OXR1: variants seen among roughly 807,000 people sequenced by gnomAD.
The protein encoded by OXR1 is oxidation resistance protein 1.
OXR1 carries 41 observed loss-of-function variants against 104.6 expected under a neutral mutation model. The ratio of observed to expected loss-of-function variants is 0.39; its 90% CI spans 0.31 to 0.51. OXR1 has a LOEUF of 0.51. Ranked by LOEUF, OXR1 falls within the 20% of genes least tolerant of loss-of-function variation. The pLI is 0.77. For missense variants in OXR1, 955 were observed against 1,031.9 expected, an observed-to-expected ratio of 0.93 and a Z score of 1.02; for synonymous variants, 348 against 348.4, an observed-to-expected ratio of 1.00 and a Z score of 0.01.
chr8:106,475,202 GGCCAGAA>G (rs1586690143), intron 2 of OXR1, among the ~76,000 whole-genome samples: 4 of 151,836 alleles, frequency 2.6e-5, no homozygotes, highest in South Asian at 2.1e-4. Context: ...GCCTACTGCT[GGCCAGAA>G]GCCTTACTTA....
intron 1 of OXR1, among the ~76,000 whole-genome samples, chr8:106,311,324 T>A (rs533361026): frequency 1.3e-5 from 2 of 152,286 alleles, no homozygotes; most frequent in South Asian, 2.1e-4. Flanking sequence ...TTTGGTTTCT[T>A]TTGTCTCTGT....
At chr8:106,672,507 A>C (rs1827131564) in intron 3 of OXR1, among the ~76,000 whole-genome samples, 1 of 90,730 alleles carries the variant, frequency 1.1e-5, no homozygotes, top group Admixed American at 1.4e-4. Flanking sequence ...AAAGAGAGAG[A>C]AAGAAAGAAA....
At chr8:106,509,448 T>C (rs1812377773) in intron 2 of OXR1, among the ~76,000 whole-genome samples, 1 of 152,246 alleles carries the variant, frequency 6.6e-6, no homozygotes, top group Non-Finnish European at 1.5e-5. Context: ...AGAAAGATGA[T>C]ATGCAAAATT....
At chr8:106,326,937 T>C (rs1814495186) in intron 1 of OXR1, among the ~76,000 whole-genome samples, 1 of 152,244 alleles carries the variant, frequency 6.6e-6, no homozygotes, top group Non-Finnish European at 1.5e-5. Context: ...TAAAGGAAAT[T>C]ACTTTTATAA....
intron 3 of OXR1, among the ~76,000 whole-genome samples, chr8:106,648,186 A>G (rs2130989382): frequency 6.6e-6 from 1 of 152,350 alleles, no homozygotes; most frequent in African/African-American, 2.4e-5. Context: ...TGTCATCTTC[A>G]GTAAAAGATA....
At chr8:106,522,087 G>A (rs891709843) in intron 3 of OXR1, among the ~76,000 whole-genome samples, 2 of 152,108 alleles carry the variant, frequency 1.3e-5, no homozygotes, top group African/African-American at 4.8e-5. Context: ...AGGGCTTAAA[G>A]GATTTTCAAA....
chr8:106,433,126 G>T (rs7843251), intron 2 of OXR1, among the ~76,000 whole-genome samples: 17,945 of 152,186 alleles, frequency 0.12, 1,496 homozygotes, highest in East Asian at 0.42. Context: ...TTCCCCATTT[G>T]GGGATCAGAG....
intron 16 of OXR1, 63 bp from the exon 17 acceptor site, chr8:106,750,743 T>G: frequency 8.6e-7 from 1 of 1,164,410 alleles, no homozygotes; most frequent in Non-Finnish European, 1.2e-6. Flanking sequence ...ATTCAAAGTC[T>G]CATTTAAATT....
chr8:106,550,084 A>G (rs1815683476), intron 3 of OXR1, among the ~76,000 whole-genome samples: 1 of 152,190 alleles, frequency 6.6e-6, no homozygotes. Context: ...CATATGAGAA[A>G]AACGTGGCTT....
chr8:106,464,262 A>T (rs1360506420), intron 2 of OXR1, among the ~76,000 whole-genome samples: 1 of 151,926 alleles, frequency 6.6e-6, no homozygotes, highest in African/African-American at 2.4e-5. Flanking sequence ...ACTAATCCTC[A>T]AAACATCTTG....
At chr8:106,324,422 A>T (rs185425555) in intron 1 of OXR1, among the ~76,000 whole-genome samples, 1 of 150,276 alleles carries the variant, frequency 6.7e-6, no homozygotes, top group Admixed American at 6.6e-5. Context: ...TGGGTTTAAT[A>T]CATGGGTGAT....
intron 2 of OXR1, among the ~76,000 whole-genome samples, chr8:106,366,692 A>C (rs1317551819): frequency 6.6e-6 from 1 of 152,174 alleles, no homozygotes; most frequent in Admixed American, 6.5e-5. Flanking sequence ...AGTATTTCTC[A>C]GTGGTAAGTT....
intron 2 of OXR1, among the ~76,000 whole-genome samples, chr8:106,492,078 C>A (rs1811125003): frequency 6.6e-6 from 1 of 152,140 alleles, no homozygotes; most frequent in Non-Finnish European, 1.5e-5. Flanking sequence ...ATAATTAGGT[C>A]CAGACAACTG....
rs1414009553 is a variant in OXR1, at chr8:106,597,826, T to C, written c.220+78687T>C. On this transcript the variant is annotated intron_variant, in intron 3 of 16. Coordinates refer to ENST00000517566, the MANE Select transcript of OXR1 (RefSeq NM_001198533.2). ...CCTTCACGATCTGGCTTCTGCTTCA[T>C]TTCCACAGCATCTCTTGCTAATTTC... Among the ~76,000 whole-genome samples the C allele has an allele frequency of 2.6e-5, 4 of 152,230 alleles. No individual in the cohort carries two copies. In the East Asian group the frequency reaches 7.7e-4, roughly 29 times the overall value.
chr8:106,608,721 A>G (rs534657280), intron 3 of OXR1, among the ~76,000 whole-genome samples: 2 of 152,300 alleles, frequency 1.3e-5, no homozygotes, highest in East Asian at 1.9e-4. Flanking sequence ...ACATGCTTTT[A>G]TTCTTTGACC....
At chr8:106,456,304 A>G (rs1198322747) in intron 2 of OXR1, among the ~76,000 whole-genome samples, 2 of 152,200 alleles carry the variant, frequency 1.3e-5, no homozygotes, top group African/African-American at 2.4e-5. Context: ...TCATTGAGTC[A>G]TATGACCGTC....
In OXR1 at chr8:106,742,336, A is replaced by G; in HGVS notation, c.2412+19A>G. 6.9e-7 allele frequency: 1 copy of G among 1,456,728 alleles called. No individual in the cohort carries two copies. The highest frequency in any genetic ancestry group is 9.6e-7 in the Non-Finnish European group (1 of 1,039,876). 90.2% of individuals were successfully genotyped at this position (1,456,728 alleles called of 1,614,324 possible). ...GTTTGAGGTAAGAACCACTATTTCA[A>G]TATTTTATTTATAAAGAGTTGACAT... is the stretch of plus-strand genomic sequence containing the variant. On this transcript the variant is annotated intron_variant, in intron 15 of 16. Coordinates refer to ENST00000517566, the MANE Select transcript of OXR1 (RefSeq NM_001198533.2).
At chr8:106,469,739 G>A (rs1479691414) in intron 2 of OXR1, among the ~76,000 whole-genome samples, 1 of 151,822 alleles carries the variant, frequency 6.6e-6, no homozygotes, top group African/African-American at 2.4e-5. Context: ...AAACAAAAGT[G>A]ATATTCAAAA....
At chr8:106,691,938 CA>C (rs899440431) in intron 6 of OXR1, among the ~76,000 whole-genome samples, 5 of 139,696 alleles carry the variant, frequency 3.6e-5, no homozygotes, top group Admixed American at 7.2e-5. Context: ...TTAAGTTCAA[CA>C]AAAAAAAACC....
Sources: gnomAD v4.1 joint callset for allele counts (sites outside exome capture counted in the v4.1 genomes callset) on GRCh38, gnomAD v4.1.1 for gene constraint, MANE v1.5 for transcripts, NCBI Gene and HGNC (gene_info 2026-07-23, HGNC 2026-07-21) for gene names.